Variants in PLEKHD1 observed in about 807,000 individuals in gnomAD.
PLEKHD1 encodes pleckstrin homology domain-containing family D member 1.
Under a neutral mutation model 69.2 loss-of-function variants are expected in PLEKHD1, and 51 were observed. The ratio of observed to expected loss-of-function variants is 0.74; its 90% CI spans 0.59 to 0.93. The LOEUF is 0.93. PLEKHD1 is among the 40% of genes least tolerant of loss of function. The pLI is 0.00. For synonymous variants in PLEKHD1, 236 were observed against 244.7 expected, an observed-to-expected ratio of 0.96 and a Z score of 0.33; for missense variants, 584 against 641.0, an observed-to-expected ratio of 0.91 and a Z score of 0.96.
intron 1 of PLEKHD1, among the ~76,000 whole-genome samples, chr14:69,498,349 G>A (rs1313686852): frequency 1.3e-5 from 2 of 151,980 alleles, no homozygotes; most frequent in Non-Finnish European, 2.9e-5. Flanking sequence ...AAAGTGCTGG[G>A]ATTACAGGTG....
rs1344744522 is a variant in PLEKHD1, at chr14:69,522,293, G to A, written c.566G>A (p.Arg189His). 1.2e-5 allele frequency: 18 copies of A among 1,551,332 alleles called. No individual in the cohort carries two copies. The highest frequency in any genetic ancestry group is 1.7e-4 in the Middle Eastern group (1 of 6,012). ...LQREQREELE[R>H]LNQVLEAEKQ... The stretch of plus-strand genomic sequence containing the variant: ...CTCTGGTCTCTTCAGGAGCTTGAGC[G>A]CCTTAACCAGGTGCTGGAGGCCGAG... Residue 189 changes from arginine to histidine, a missense_variant, in exon 7 of 13, where the codon CGC (arginine) becomes CAC (histidine). Arg to His is a conservative substitution (Grantham distance 29). Coordinates refer to ENST00000322564, the MANE Select transcript of PLEKHD1 (RefSeq NM_001161498.2).
intron 6 of PLEKHD1, among the ~76,000 whole-genome samples, chr14:69,504,224 C>T (rs1164833567): frequency 6.6e-6 from 1 of 152,226 alleles, no homozygotes; most frequent in Non-Finnish European, 1.5e-5. Flanking sequence ...GCCCATGCTG[C>T]AAGTGAACTG....
the PLEKHD1 span, among the ~76,000 whole-genome samples, chr14:69,473,502 A>G: frequency 6.6e-6 from 1 of 152,128 alleles, no homozygotes; most frequent in African/African-American, 2.4e-5. Context: ...CAGGTGGGAA[A>G]TTAACTGGGT....
chr14:69,491,161 C>T (rs1019403586), intron 1 of PLEKHD1, among the ~76,000 whole-genome samples: 8 of 152,188 alleles, frequency 5.3e-5, no homozygotes, highest in African/African-American at 1.4e-4. Flanking sequence ...CCAATGTACA[C>T]GGTCCTTGTT....
intron 10 of PLEKHD1, among the ~76,000 whole-genome samples, 179 bp downstream of exon 10, chr14:69,527,008 C>A (rs890096777): frequency 1.3e-5 from 2 of 152,236 alleles, no homozygotes; most frequent in African/African-American, 2.4e-5. Context: ...TTGACAGACA[C>A]CTGCTGGGTG....
At chr14:69,502,905 G>C (rs1326567912) in intron 6 of PLEKHD1, 26 bp downstream of exon 6, 2 of 1,551,384 alleles carry the variant, frequency 1.3e-6, no homozygotes, top group South Asian at 2.4e-5. Context: ...GGGGCTCTCA[G>C]CAGCCGTGGT....
intron 6 of PLEKHD1, chr14:69,503,124 A>G (rs1883067949): frequency 1.9e-6 from 1 of 516,928 alleles, no homozygotes; most frequent in African/African-American, 1.9e-5. Context: ...GACCTTCTAG[A>G]GAAAGAGCCA....
intron 6 of PLEKHD1, among the ~76,000 whole-genome samples, chr14:69,504,588 A>G (rs1883110793): frequency 1.3e-5 from 2 of 152,200 alleles, no homozygotes. Flanking sequence ...TCACAACTTT[A>G]CATCTTAATT....
intron 7 of PLEKHD1, among the ~76,000 whole-genome samples, chr14:69,523,552 C>T (rs763265155): frequency 1.5e-4 from 23 of 152,076 alleles, no homozygotes; most frequent in African/African-American, 4.6e-4. Context: ...GAAGAGTGGA[C>T]GTATGATCTG....
chr14:69,499,619 G>A (rs1014205911), intron 1 of PLEKHD1, among the ~76,000 whole-genome samples: 2 of 152,240 alleles, frequency 1.3e-5, no homozygotes, highest in Non-Finnish European at 2.9e-5. Context: ...GGAGACTGGG[G>A]AGCAGCCTGA....
At chr14:69,512,674 A>G (rs1237657639) in intron 6 of PLEKHD1, among the ~76,000 whole-genome samples, 1 of 152,094 alleles carries the variant, frequency 6.6e-6, no homozygotes, top group Non-Finnish European at 1.5e-5. Context: ...TTAATCTTCA[A>G]GTATTTTGTG....
At chr14:69,504,393 C>G (rs988393259) in intron 6 of PLEKHD1, among the ~76,000 whole-genome samples, 2 of 152,184 alleles carry the variant, frequency 1.3e-5, no homozygotes, top group African/African-American at 4.8e-5. Flanking sequence ...TCTAACTTGA[C>G]TCTTAGGAAG....
chr14:69,485,184 C>A (rs538010998), intron 1 of PLEKHD1, 70 bp downstream of exon 1: 2 of 1,477,678 alleles, frequency 1.4e-6, no homozygotes, highest in African/African-American at 2.8e-5. Context: ...CCTCCCACCC[C>A]CTCCAGTCGC....
upstream of PLEKHD1, among the ~76,000 whole-genome samples, chr14:69,479,788 A>T (rs932235530): frequency 2.6e-5 from 4 of 152,194 alleles, no homozygotes; most frequent in African/African-American, 9.7e-5. Flanking sequence ...ACTTAAACTT[A>T]TGTTAACACT....
Position 69,527,185 on chromosome 14 carries a change from C to T in PLEKHD1, c.1057-3C>T. 1 of 1,539,700 alleles carries T rather than the reference C, an allele frequency of 6.5e-7. No homozygotes were observed. On this transcript the variant is annotated splice_region_variant and splice_polypyrimidine_tract_variant and intron_variant, in intron 10 of 12. Coordinates refer to ENST00000322564, the MANE Select transcript of PLEKHD1 (RefSeq NM_001161498.2). ...CTTCTCATTTCCCTCTCCTCAACCT[C>T]AGGCTGAGGTGAAGGTCCGCATGGA...
At chr14:69,487,412 G>A (rs1882678457) in intron 1 of PLEKHD1, among the ~76,000 whole-genome samples, 1 of 152,232 alleles carries the variant, frequency 6.6e-6, no homozygotes, top group South Asian at 2.1e-4. Flanking sequence ...CAGAGCAGCT[G>A]AGGGCCGCCA....
chr14:69,516,159 A>G (rs1883380156), intron 6 of PLEKHD1, among the ~76,000 whole-genome samples: 1 of 152,188 alleles, frequency 6.6e-6, no homozygotes. Context: ...TAAAGTGACA[A>G]CTTCTAAATT....
Position 69,491,955 on chromosome 14 carries a change from T to C in PLEKHD1, c.149+6841T>C, listed in dbSNP as rs1320802049. Among the ~76,000 whole-genome samples the C allele has an allele frequency of 3.3e-5, 5 of 152,304 alleles. No individual in the cohort carries two copies. The East Asian group carries it at 9.6e-4, about 29-fold the overall frequency. ...ATTTGTACCTCCCAATAAATTTAAT[T>C]TTCCCTTTGCCTGGTTGTGGACTTC... is the stretch of plus-strand genomic sequence containing the variant. On this transcript the variant is annotated intron_variant, in intron 1 of 12. Transcript: ENST00000322564.
At chr14:69,484,174 C>T (rs1882599617), upstream of PLEKHD1, among the ~76,000 whole-genome samples, 1 of 152,224 alleles carries the variant, frequency 6.6e-6, no homozygotes, top group Admixed American at 6.5e-5. Context: ...AGCCCCTCCC[C>T]ATGCGGGCAC....
Sources: allele counts gnomAD v4.1 joint callset (sites outside exome capture counted in the v4.1 genomes callset), GRCh38; gene constraint gnomAD v4.1.1; transcripts MANE v1.5; gene names NCBI Gene and HGNC (gene_info 2026-07-23, HGNC 2026-07-21).